Variants in EZR observed in about 807,000 individuals in gnomAD.
EZR encodes the protein cytovillin 2.
EZR carries 40 observed loss-of-function variants against 74.8 expected under a neutral mutation model. The observed-to-expected ratio is 0.53, with a 90% CI of 0.42 to 0.70. The LOEUF is 0.70. EZR is among the 30% of genes least tolerant of loss of function. The pLI is 0.00. For synonymous variants in EZR, 341 were observed against 283.3 expected (o/e 1.20, Z -2.05); for missense variants, 678 against 755.8 (o/e 0.90, Z 1.21).
chr6:158,798,990 C>A (rs1449400694), intron 2 of EZR, among the ~76,000 whole-genome samples: 2 of 152,150 alleles, frequency 1.3e-5, no homozygotes, highest in African/African-American at 4.8e-5. Flanking sequence ...TTTGTTATAA[C>A]TGAACATTCC....
intron 11 of EZR, 48 bp downstream of exon 11, chr6:158,769,736 A>C (rs1791036778): frequency 1.2e-6 from 2 of 1,603,758 alleles, no homozygotes; most frequent in South Asian, 2.2e-5. Flanking sequence ...CCATCCTCAG[A>C]AGCAGCCTCT....
At position 158,783,681 on chromosome 6, in the gene EZR, T is replaced by C; in HGVS notation, c.552-15A>G. 1 of 1,611,628 alleles carries C rather than the reference T, an allele frequency of 6.2e-7. No individual in the cohort carries two copies. The highest frequency in any genetic ancestry group is 8.5e-7 in the Non-Finnish European group (1 of 1,178,888). ...TAGCATTATCTCTAATTGGGGAGAG[T>C]GAAACAGGCAGAGTCACTGGTAGCA... On this transcript the variant is annotated splice_polypyrimidine_tract_variant and intron_variant, in intron 6 of 13. Coordinates refer to ENST00000367075, the MANE Select transcript of EZR (RefSeq NM_001111077.2).
intron 2 of EZR, among the ~76,000 whole-genome samples, chr6:158,814,669 A>C (rs1200872017): frequency 2.0e-5 from 3 of 150,918 alleles, no homozygotes; most frequent in Admixed American, 2.0e-4. Flanking sequence ...TCAGCCTCCC[A>C]AGTAGCTGGG....
intron 3 of EZR, among the ~76,000 whole-genome samples, chr6:158,787,631 G>C (rs1291744628): frequency 1.3e-5 from 2 of 152,220 alleles, no homozygotes; most frequent in African/African-American, 4.8e-5. Flanking sequence ...AAAGCATCCA[G>C]TGCCACACCT....
intron 2 of EZR, among the ~76,000 whole-genome samples, chr6:158,812,317 G>A (rs1387389279): frequency 6.6e-6 from 1 of 152,098 alleles, no homozygotes; most frequent in Non-Finnish European, 1.5e-5. Context: ...GGGCTTGATT[G>A]GGGTGCAGGA....
At chr6:158,816,450 CTCT>C (rs1777555880) in intron 2 of EZR, among the ~76,000 whole-genome samples, 1 of 152,158 alleles carries the variant, frequency 6.6e-6, no homozygotes, top group African/African-American at 2.4e-5. Context: ...AGCTCTGCAC[CTCT>C]TCTTTTAGTG....
intron 2 of EZR, among the ~76,000 whole-genome samples, chr6:158,802,163 T>A (rs372114815): frequency 2.1e-4 from 32 of 152,374 alleles, no homozygotes; most frequent in African/African-American, 7.7e-4. Flanking sequence ...GGTTAGTACC[T>A]GCCCAGGTGC....
intron 8 of EZR, among the ~76,000 whole-genome samples, chr6:158,775,355 A>C (rs1001343458): frequency 6.6e-6 from 1 of 152,166 alleles, no homozygotes; most frequent in South Asian, 2.1e-4. Context: ...CAAAGAAGAA[A>C]ATACTTTCAC....
rs1176534545 is a variant in EZR, at chr6:158,767,568, CTA to C, written c.1345-58_1345-57del. Reference sequence around the variant, plus strand: ...TCACCCAGAAGTCCTATCCTCCTGGCTATGAGAACAGACTGTCACCTCCCTCT... The same window carrying C: ...TCACCCAGAAGTCCTATCCTCCTGGCTGAGAACAGACTGTCACCTCCCTCT... On this transcript the variant is annotated intron_variant, in intron 12 of 13. Coordinates refer to ENST00000367075, the MANE Select transcript of EZR (RefSeq NM_001111077.2). The C allele has an allele frequency of 2.6e-6, 4 of 1,516,498 alleles. No individual in the cohort carries two copies. In the East Asian group the frequency reaches 9.0e-5, roughly 34 times the overall value. The allele number at this position is 1,516,498 out of a possible 1,614,324, so 93.9% of individuals were successfully genotyped here.
rs114551637 is a variant in EZR at position 158,798,436 on chromosome 6, G to C, written c.13-9065C>G. ...TATTCTATGTTCTTAGAAGTTGCTG[G>C]CTGCCAAACTGACACCAACACAGTA... On this transcript the variant is annotated intron_variant, in intron 2 of 13. Coordinates refer to ENST00000367075, the MANE Select transcript of EZR (RefSeq NM_001111077.2). 2.3e-3 allele frequency among the ~76,000 whole-genome samples: 345 copies of C among 152,200 alleles called. 2 individuals carry two copies. The highest frequency in any genetic ancestry group is 7.9e-3 in the African/African-American group (329 of 41,536).
At chr6:158,770,681 G>A (rs1165830071) in intron 10 of EZR, 83 bp downstream of exon 10, 1 of 1,526,966 alleles carries the variant, frequency 6.5e-7, no homozygotes, top group Non-Finnish European at 9.0e-7. Context: ...TTCCTTCCTG[G>A]TGAGTGGGTG....
intron 1 of EZR, among the ~76,000 whole-genome samples, chr6:158,818,931 G>C (rs1360240173): frequency 6.6e-6 from 1 of 152,140 alleles, no homozygotes; most frequent in East Asian, 1.9e-4. Flanking sequence ...GGGGCTGCCA[G>C]GAAGCCCGTG....
At chr6:158,806,480 CTTT>C (rs10706390) in intron 2 of EZR, among the ~76,000 whole-genome samples, 9 of 141,192 alleles carry the variant, frequency 6.4e-5, no homozygotes, top group African/African-American at 1.5e-4. Flanking sequence ...ACCACTTTCA[CTTT>C]TTTTTTTTTT....
chr6:158,812,076 G>A (rs951442937), intron 2 of EZR, among the ~76,000 whole-genome samples: 3 of 152,126 alleles, frequency 2.0e-5, no homozygotes, highest in African/African-American at 7.2e-5. Flanking sequence ...ACTCCCTGCA[G>A]AGAGAAACTC....
chr6:158,766,920 G>C lies in EZR; in HGVS notation c.1755C>G (p.Ala585=), dbSNP rs1332062170. 1 of 1,613,870 alleles carries C rather than the reference G, an allele frequency of 6.2e-7. No individual in the cohort carries two copies. The highest frequency in any genetic ancestry group is 8.5e-7 in the Non-Finnish European group (1 of 1,179,964). The change falls in exon 14 of 14, where the codon GCC becomes GCG. Residue 585 remains alanine (A), a synonymous_variant. Transcript: ENST00000367075. The part of the protein sequence containing the change: ...NTKQRIDEFE[A]L ...CTTGGTCCTGGCCTGGCTGTTACAG[G>C]GCCTCGAACTCGTCGATGCGCTGCT...
At chr6:158,777,919 A>C (rs1015608919) in intron 7 of EZR, among the ~76,000 whole-genome samples, 12 of 152,338 alleles carry the variant, frequency 7.9e-5, no homozygotes, top group African/African-American at 2.9e-4. Context: ...CCATTAAAAA[A>C]AAACACACCT....
At chr6:158,814,007 CA>C (rs1777500740) in intron 2 of EZR, among the ~76,000 whole-genome samples, 1 of 152,174 alleles carries the variant, frequency 6.6e-6, no homozygotes, top group African/African-American at 2.4e-5. Context: ...GTCACCCTAA[CA>C]TGAAGGGGCG....
At chr6:158,796,970 C>T (rs1171584593) in intron 2 of EZR, among the ~76,000 whole-genome samples, 2 of 152,202 alleles carry the variant, frequency 1.3e-5, no homozygotes, top group Non-Finnish European at 2.9e-5. Context: ...AGTTGACAAT[C>T]AAATTTTGTA....
In EZR at chr6:158,783,600, G is replaced by A. The variant is rs778989329; in HGVS notation, c.618C>T (p.Phe206=). The A allele has an allele frequency of 1.8e-5, 29 of 1,613,338 alleles. No individual in the cohort carries two copies. Among genetic ancestry groups the A allele is most frequent in the Admixed American group, 3.3e-5 (2 of 59,952 alleles). Residue 206 remains phenylalanine (F), a synonymous_variant, in exon 7 of 14, where the codon TTC becomes TTT. Transcript: ENST00000367075. ...QDLEMYGINY[F]EIKNKKGTDL... ...CTGTTCCTTTCTTGTTTTTTATCTC[G>A]AAATAGTTGATTCCATACATTTCCA...
Sources: allele counts gnomAD v4.1 joint callset (sites outside exome capture counted in the v4.1 genomes callset), GRCh38; gene constraint gnomAD v4.1.1; transcripts MANE v1.5; gene names NCBI Gene and HGNC (gene_info 2026-07-23, HGNC 2026-07-21).